The following GPAT3 variants were observed in gnomAD, a reference collection of about 807,000 sequenced individuals.
GPAT3 encodes the protein 1-AGP acyltransferase 9.
Under a neutral mutation model 58.8 loss-of-function variants are expected in GPAT3, and 53 were observed. The ratio of observed to expected loss-of-function variants is 0.90; its 90% CI spans 0.72 to 1.13. The LOEUF is 1.13. GPAT3 is among the 50% of genes most tolerant of loss of function. The probability of loss-of-function intolerance (pLI) is 0.00; values close to 1 mark genes in which losing one functional copy is unlikely to be tolerated. For synonymous variants in GPAT3, 197 were observed against 187.4 expected, an observed-to-expected ratio of 1.05 and a Z score of -0.42; for missense variants, 511 against 527.6, an observed-to-expected ratio of 0.97 and a Z score of 0.31.
intron 2 of GPAT3, among the ~76,000 whole-genome samples, chr4:83,547,818 C>T (rs1455591102): frequency 6.7e-6 from 1 of 148,766 alleles, no homozygotes; most frequent in East Asian, 2.0e-4. Flanking sequence ...TTAAGAAGCT[C>T]TGTTATTGCA....
intron 2 of GPAT3, among the ~76,000 whole-genome samples, chr4:83,560,306 C>G (rs909181169): frequency 2.6e-5 from 4 of 152,186 alleles, no homozygotes; most frequent in African/African-American, 7.2e-5. Flanking sequence ...CTGCTCTTCA[C>G]CAGTTTGATC....
At position 83,582,983 on chromosome 4, in the gene GPAT3, T is replaced by A. The variant is rs144003898; in HGVS notation, c.479+1151T>A. On this transcript the variant is annotated intron_variant, in intron 3 of 11. Transcript: ENST00000264409. ...TCCATTGGCATGCAGGAAGGAAATA[T>A]TAGAGCTCTTATTTACTAAAAGCTT... Among the ~76,000 whole-genome samples, 565 of 152,256 alleles carry A rather than the reference T, an allele frequency of 3.7e-3. 6 individuals carry two copies. The highest frequency in any genetic ancestry group is 0.013 in the African/African-American group (536 of 41,550).
Position 83,536,541 on chromosome 4 carries a change from C to G in GPAT3, c.-82C>G. ...GGCTCGGCGCTCTGCTCCTGGAGCT[C>G]CCGCGGGACTGCCTGGGGACAGGGA... On this transcript the variant is annotated 5_prime_UTR_variant, in exon 1 of 12. Transcript: ENST00000264409. The G allele has an allele frequency of 6.5e-7, 1 of 1,536,026 alleles. No homozygotes were observed. Among genetic ancestry groups the G allele is most frequent in the Non-Finnish European group, 8.8e-7 (1 of 1,141,390 alleles).
rs70965361 is a variant in GPAT3 at position 83,598,751 on chromosome 4, CTTTTTTTTTTTTTTTTTTTTTTT to C, written c.1205+42_1205+64del. The stretch of plus-strand genomic sequence containing the variant: ...AAGAGAACTTTCAGAAGTACTATCA[CTTTTTTTTTTTTTTTTTTTTTTT>C]TTTTTTTTTTTTTAGAGAATGCCTC... On this transcript the variant is annotated intron_variant, in intron 11 of 11. Transcript: ENST00000264409. The C allele has an allele frequency of 7.5e-4, 115 of 152,448 alleles. 3 individuals are homozygous for C. Among genetic ancestry groups the C allele is most frequent in the Middle Eastern group, 7.5e-3 (5 of 664 alleles). The allele number at this position is 152,448 out of a possible 1,614,324, so 9.4% of individuals were successfully genotyped here. A position where few individuals can be genotyped will look rare whatever the true frequency, so the allele number is the denominator to read the frequency against.
chr4:83,595,568 A>G (rs1726790611), intron 7 of GPAT3, among the ~76,000 whole-genome samples: 1 of 152,124 alleles, frequency 6.6e-6, no homozygotes, highest in African/African-American at 2.4e-5. Context: ...CAAAAAATAA[A>G]TAAAATTAGC....
rs893365873 is a variant in GPAT3 at position 83,566,149 on chromosome 4, G to C, written c.209-15413G>C. Among the ~76,000 whole-genome samples the C allele has an allele frequency of 2.0e-5, 3 of 152,102 alleles. No individual in the cohort carries two copies. The South Asian group carries it at 6.2e-4, about 32-fold the overall frequency. ...CAGAGGCCACCCATGGCTCCCCATG[G>C]CTGTCTCACACATGGGAGACCAACT... On this transcript the variant is annotated intron_variant, in intron 2 of 11. Transcript: ENST00000264409.
At position 83,536,311 on chromosome 4, in the gene GPAT3, G is replaced by T. The variant is rs906719256; in HGVS notation, c.-312G>T. 6.4e-6 allele frequency: 7 copies of T among 1,093,560 alleles called. No individual in the cohort carries two copies. In the Admixed American group the frequency reaches 3.1e-4, roughly 49 times the overall value. The allele number at this position is 1,093,560 out of a possible 1,614,324, so 67.7% of individuals were successfully genotyped here. ...GCGCGCTCTGCCCGCGCCGCGGTGT[G>T]CCTCCGCTTACCCGCAGCTCCGACC... is the stretch of plus-strand genomic sequence containing the variant. On this transcript the variant is annotated 5_prime_UTR_variant, in exon 1 of 12. Transcript: ENST00000264409.
At chr4:83,559,288 G>T (rs1725045585) in intron 2 of GPAT3, among the ~76,000 whole-genome samples, 3 of 152,006 alleles carry the variant, frequency 2.0e-5, no homozygotes, top group Admixed American at 2.0e-4. Context: ...ATCTCATGTG[G>T]ATTACTTAGT....
intron 2 of GPAT3, among the ~76,000 whole-genome samples, chr4:83,551,133 C>T (rs1415349793): frequency 2.6e-5 from 4 of 152,148 alleles, no homozygotes; most frequent in Admixed American, 6.5e-5. Flanking sequence ...TATTAGGTGA[C>T]TTGTTACAAG....
Position 83,594,939 on chromosome 4 carries a change from A to T in GPAT3, c.833A>T (p.Asp278Val). 5 of 1,613,882 alleles carry T rather than the reference A, an allele frequency of 3.1e-6. No homozygotes were observed. The highest frequency in any genetic ancestry group is 4.2e-6 in the Non-Finnish European group (5 of 1,179,806). Reference protein sequence around the residue: ...HVWFERSEMKDRHLVTKRLKE... With the variant: ...HVWFERSEMKVRHLVTKRLKE... The stretch of plus-strand genomic sequence containing the variant: ...TGGTTTGAACGCTCAGAAATGAAGG[A>T]TCGACACCTGGTTACTAAGAGGTAA... Residue 278 changes from aspartate (D) to valine (V), a missense_variant, in exon 7 of 12, where the codon GAT (aspartate) becomes GTT (valine). Coordinates refer to ENST00000264409, the MANE Select transcript of GPAT3 (RefSeq NM_032717.5).
At chr4:83,584,505 G>C (rs1403867440) in intron 3 of GPAT3, among the ~76,000 whole-genome samples, 1 of 152,096 alleles carries the variant, frequency 6.6e-6, no homozygotes, top group Admixed American at 6.5e-5. Context: ...CTACTGAATT[G>C]CATACTTTAT....
intron 3 of GPAT3, among the ~76,000 whole-genome samples, chr4:83,586,280 T>G (rs1177091058): frequency 6.6e-6 from 1 of 152,180 alleles, no homozygotes; most frequent in Non-Finnish European, 1.5e-5. Context: ...CAGCAGTAAA[T>G]GAGCTTCACC....
In GPAT3 at chr4:83,548,868, C is replaced by T. The variant is rs188337864; in HGVS notation, c.208+4266C>T. ...AGGAGAAGGTACTAAGGTGAAATTTCGGTTGCTATACCTATTTGGAGAGAA... is the reference window on the plus strand; with the variant it reads ...AGGAGAAGGTACTAAGGTGAAATTTTGGTTGCTATACCTATTTGGAGAGAA... On this transcript the variant is annotated intron_variant, in intron 2 of 11. Coordinates refer to ENST00000264409, the MANE Select transcript of GPAT3 (RefSeq NM_032717.5). 1.1e-3 allele frequency among the ~76,000 whole-genome samples: 174 copies of T among 152,266 alleles called. 2 individuals are homozygous for T. Among genetic ancestry groups the T allele is most frequent in the African/African-American group, 4.0e-3 (168 of 41,564 alleles).
intron 2 of GPAT3, among the ~76,000 whole-genome samples, chr4:83,578,937 CTTTTCTTTT>C (rs1725926772): frequency 4.2e-4 from 1 of 2,404 alleles, no homozygotes; most frequent in African/African-American, 1.2e-3. Flanking sequence ...TTCTTTCTTT[CTTTTCTTTT>C]CTTTTCTTTC....
intron 2 of GPAT3, among the ~76,000 whole-genome samples, chr4:83,565,540 CCAGGGTGGAGTG>C (rs1191110095): frequency 1.3e-5 from 2 of 151,824 alleles, no homozygotes; most frequent in African/African-American, 2.4e-5. Context: ...GCTCTGTCAC[CCAGGGTGGAGTG>C]CAGTGGTGCG....
At chr4:83,600,570 C>T (rs1231805325) in intron 11 of GPAT3, among the ~76,000 whole-genome samples, 1 of 152,066 alleles carries the variant, frequency 6.6e-6, no homozygotes, top group African/African-American at 2.4e-5. Flanking sequence ...GTGGTGCAAT[C>T]TGGGTCACTG....
intron 2 of GPAT3, among the ~76,000 whole-genome samples, chr4:83,569,486 C>G (rs1725523339): frequency 1.3e-5 from 2 of 152,206 alleles, no homozygotes; most frequent in Admixed American, 1.3e-4. Flanking sequence ...GAGAATATAT[C>G]TAAGAACAAT....
intron 2 of GPAT3, among the ~76,000 whole-genome samples, chr4:83,549,565 CT>C (rs1337988086): frequency 1.3e-5 from 2 of 150,036 alleles, no homozygotes; most frequent in African/African-American, 4.9e-5. Flanking sequence ...CAGGGTCTCA[CT>C]CTATCACCCA....
chr4:83,552,409 G>A (rs548137274), intron 2 of GPAT3, among the ~76,000 whole-genome samples: 1 of 152,320 alleles, frequency 6.6e-6, no homozygotes, highest in South Asian at 2.1e-4. Context: ...AGAGAAGAAT[G>A]CATTAGTGTA....
Sources: gnomAD v4.1 joint callset for allele counts (sites outside exome capture counted in the v4.1 genomes callset) on GRCh38, gnomAD v4.1.1 for gene constraint, MANE v1.5 for transcripts, NCBI Gene and HGNC (gene_info 2026-07-23, HGNC 2026-07-21) for gene names.